The following SUGCT variants were observed in gnomAD, a reference collection of about 807,000 sequenced individuals.
SUGCT encodes succinyl-CoA:glutarate-CoA transferase, also known as succinyl-CoA:glutarate CoA-transferase.
A neutral mutation model predicts 55.0 loss-of-function variants in SUGCT; 41 were observed. That is an observed-to-expected ratio of 0.74 (90% CI 0.58 to 0.97). The LOEUF (loss-of-function observed/expected upper bound fraction) is 0.97, where lower values mean the gene tolerates loss of function less well. Ranked by LOEUF, SUGCT falls within the 50% of genes least tolerant of loss-of-function variation. The pLI is 0.00. For synonymous variants in SUGCT, 187 were observed against 200.4 expected (o/e 0.93, Z 0.56); for missense variants, 568 against 547.8 (o/e 1.04, Z -0.37).
Position 40,451,200 on chromosome 7 carries a change from C to A in SUGCT, c.888+1842C>A, listed in dbSNP as rs540519140. Among the ~76,000 whole-genome samples, 15 of 152,066 alleles carry A rather than the reference C, an allele frequency of 9.9e-5. No homozygotes were observed. The South Asian group carries it at 2.5e-3, about 25-fold the overall frequency. On this transcript the variant is annotated intron_variant, in intron 10 of 13. Transcript: ENST00000335693. ...AACGAGTACAGATTTTCTTCCTGGGCCATATGTTTTGGAGTTTTCTTTCTC... is the reference window on the plus strand; with the variant it reads ...AACGAGTACAGATTTTCTTCCTGGGACATATGTTTTGGAGTTTTCTTTCTC...
intron 9 of SUGCT, among the ~76,000 whole-genome samples, chr7:40,347,210 T>C (rs1797363125): frequency 6.6e-6 from 1 of 152,212 alleles, no homozygotes. Context: ...TGAGGAGAGC[T>C]GGAGATTATG....
intron 10 of SUGCT, among the ~76,000 whole-genome samples, chr7:40,451,198 G>A (rs886100403): frequency 7.9e-5 from 12 of 152,122 alleles, no homozygotes; most frequent in African/African-American, 2.7e-4. Flanking sequence ...TTTCTTCCTG[G>A]GCCATATGTT....
intron 1 of SUGCT, among the ~76,000 whole-genome samples, chr7:40,161,206 G>A (rs1784128645): frequency 6.6e-6 from 1 of 152,142 alleles, no homozygotes; most frequent in African/African-American, 2.4e-5. Flanking sequence ...CATTTCTCTT[G>A]CTCTTCAGAG....
downstream of SUGCT, among the ~76,000 whole-genome samples, chr7:40,865,691 TC>T (rs1794565333): frequency 6.6e-6 from 1 of 152,144 alleles, no homozygotes; most frequent in Non-Finnish European, 1.5e-5. Flanking sequence ...GACAGTGTGA[TC>T]GGGGACTGTT....
the SUGCT span, among the ~76,000 whole-genome samples, chr7:40,881,890 T>C: frequency 7.1e-4 from 108 of 152,242 alleles, no homozygotes; most frequent in East Asian, 0.013. Context: ...TAAAGTAACA[T>C]TAAGGACTAG....
intron 8 of SUGCT, among the ~76,000 whole-genome samples, chr7:40,296,584 G>A (rs147065935): frequency 6.6e-6 from 1 of 151,622 alleles, no homozygotes; most frequent in African/African-American, 2.4e-5. Context: ...AGAGAGAGGG[G>A]GAAGGGAGAG....
chr7:40,656,372 T>C (rs531560189), intron 12 of SUGCT, among the ~76,000 whole-genome samples: 1 of 152,264 alleles, frequency 6.6e-6, no homozygotes, highest in Admixed American at 6.5e-5. Flanking sequence ...TTGAAACTAT[T>C]TGTGGATATA....
At chr7:40,930,996 T>C in the SUGCT span, among the ~76,000 whole-genome samples, 1 of 152,216 alleles carries the variant, frequency 6.6e-6, no homozygotes, top group African/African-American at 2.4e-5. Context: ...CCCTGTCTTG[T>C]GCCAGTTTTC....
At chr7:40,438,146 C>A (rs1788274389) in intron 9 of SUGCT, among the ~76,000 whole-genome samples, 1 of 152,138 alleles carries the variant, frequency 6.6e-6, no homozygotes, top group Non-Finnish European at 1.5e-5. Flanking sequence ...AGCAAAGTCC[C>A]TGGGAAGGAG....
intron 6 of SUGCT, among the ~76,000 whole-genome samples, chr7:40,224,322 T>C (rs1788201941): frequency 6.6e-6 from 1 of 152,124 alleles, no homozygotes; most frequent in Non-Finnish European, 1.5e-5. Context: ...TTTATTTTCA[T>C]TTAGTCTGTG....
chr7:40,236,332 G>A (rs76713094), intron 6 of SUGCT, among the ~76,000 whole-genome samples: 9 of 151,166 alleles, frequency 6.0e-5, no homozygotes, highest in African/African-American at 1.2e-4. Flanking sequence ...GATTATAGGC[G>A]TGAGCCACCA....
At chr7:40,208,116 T>G (rs1787098778) in intron 6 of SUGCT, among the ~76,000 whole-genome samples, 1 of 152,202 alleles carries the variant, frequency 6.6e-6, no homozygotes, top group Admixed American at 6.5e-5. Flanking sequence ...TCTACTTATA[T>G]GAGATTCCTA....
At chr7:40,487,837 G>T (rs1054835491) in intron 11 of SUGCT, among the ~76,000 whole-genome samples, 1 of 151,638 alleles carries the variant, frequency 6.6e-6, no homozygotes, top group Non-Finnish European at 1.5e-5. Flanking sequence ...GCTTTCTTTC[G>T]GTTTTCAGTT....
intron 12 of SUGCT, among the ~76,000 whole-genome samples, chr7:40,516,492 C>G (rs1793238452): frequency 6.6e-6 from 1 of 152,084 alleles, no homozygotes; most frequent in African/African-American, 2.4e-5. Context: ...AGTCAAGTCT[C>G]TAGTCCATTT....
the SUGCT span, among the ~76,000 whole-genome samples, chr7:40,876,043 T>C: frequency 6.6e-6 from 1 of 152,204 alleles, no homozygotes; most frequent in African/African-American, 2.4e-5. Flanking sequence ...GGACAACCCA[T>C]TGAATTGTCA....
intron 12 of SUGCT, among the ~76,000 whole-genome samples, chr7:40,613,812 G>C (rs143805491): frequency 0.021 from 3,196 of 152,232 alleles, 107 homozygotes; most frequent in African/African-American, 0.07. Flanking sequence ...GTTTCTCCAT[G>C]TTGGTCAGGC....
intron 13 of SUGCT, among the ~76,000 whole-genome samples, chr7:40,807,317 A>C (rs1791156222): frequency 6.6e-6 from 1 of 152,146 alleles, no homozygotes; most frequent in African/African-American, 2.4e-5. Context: ...GCACCTGTCA[A>C]ACCATCATGC....
intron 12 of SUGCT, among the ~76,000 whole-genome samples, chr7:40,531,062 TC>T (rs1794055905): frequency 6.6e-6 from 1 of 152,182 alleles, no homozygotes; most frequent in South Asian, 2.1e-4. Context: ...TCCTTAAGTC[TC>T]AATGAATTAG....
intron 13 of SUGCT, among the ~76,000 whole-genome samples, chr7:40,836,140 CCT>C (rs1039776408): frequency 6.6e-6 from 1 of 151,900 alleles, no homozygotes; most frequent in Non-Finnish European, 1.5e-5. Context: ...CTCAAACAAT[CCT>C]CTCAACTCAG....
Sources: gnomAD v4.1 joint callset for allele counts (sites outside exome capture counted in the v4.1 genomes callset) on GRCh38, gnomAD v4.1.1 for gene constraint, MANE v1.5 for transcripts, NCBI Gene and HGNC (gene_info 2026-07-23, HGNC 2026-07-21) for gene names.